The following MAP4K1 variants were observed in gnomAD, a reference collection of about 807,000 sequenced individuals.
MAP4K1 encodes the protein mitogen-activated protein kinase kinase kinase kinase 1.
MAP4K1 carries 35 observed loss-of-function variants against 122.8 expected under a neutral mutation model. That is an observed-to-expected ratio of 0.29 (90% CI 0.22 to 0.38). MAP4K1 has a LOEUF of 0.38. Among genes scored for constraint, MAP4K1 ranks in the 10% least tolerant of loss-of-function variants. The pLI is 1.00. For synonymous variants in MAP4K1, 412 were observed against 421.3 expected, an observed-to-expected ratio of 0.98 and a Z score of 0.27; for missense variants, 791 against 1,072.6, an observed-to-expected ratio of 0.74 and a Z score of 3.67.
At position 38,601,338 on chromosome 19, in the gene MAP4K1, C is replaced by T. The variant is rs1230556465; in HGVS notation, c.1531+103G>A. Reference sequence around the variant, plus strand: ...CTGGCCACACCCCAACTCCATTAAGCTCCTCCCCGTCCCTGCCTTTGTGCC... The same window carrying T: ...CTGGCCACACCCCAACTCCATTAAGTTCCTCCCCGTCCCTGCCTTTGTGCC... On this transcript the variant is annotated intron_variant, in intron 20 of 30. Transcript: ENST00000396857. 3 of 1,037,724 alleles carry T rather than the reference C, an allele frequency of 2.9e-6. No individual in the cohort carries two copies. The Admixed American group carries it at 6.7e-5, about 23-fold the overall frequency. 64.3% of individuals were successfully genotyped at this position (1,037,724 alleles called of 1,614,324 possible). A position where few individuals can be genotyped will look rare whatever the true frequency, so the allele number is the denominator to read the frequency against.
At chr19:38,609,731 G>C in intron 12 of MAP4K1, 57 bp from the exon 13 acceptor site, 1 of 1,502,224 alleles carries the variant, frequency 6.7e-7, no homozygotes, top group South Asian at 1.2e-5. Flanking sequence ...CTCCTACCCT[G>C]CCCGGGGTCC....
chr19:38,605,360 T>C, intron 19 of MAP4K1, 49 bp downstream of exon 19: 11 of 600,444 alleles, frequency 1.8e-5, no homozygotes, highest in Non-Finnish European at 3.4e-5. Flanking sequence ...CCACCAGGCA[T>C]CCCCAGCCCC....
chr19:38,592,943 A>T (rs1384079904), intron 30 of MAP4K1, among the ~76,000 whole-genome samples: 1 of 152,098 alleles, frequency 6.6e-6, no homozygotes, highest in Non-Finnish European at 1.5e-5. Context: ...AAATAAATAA[A>T]TAAAAGAATT....
At chr19:38,610,060 ATGGTGTGGACAGAGAGGGC>A (rs753646812) in intron 11 of MAP4K1, 35 bp from the exon 12 acceptor site, 21 of 1,471,004 alleles carry the variant, frequency 1.4e-5, no homozygotes, top group African/African-American at 1.1e-4. Flanking sequence ...ATCCAGAGGG[ATGGTGTGGACAGAGAGGGC>A]TGGTGTGGAC....
intron 19 of MAP4K1, among the ~76,000 whole-genome samples, chr19:38,604,432 C>T (rs1365114089): frequency 6.6e-6 from 1 of 152,102 alleles, no homozygotes; most frequent in Non-Finnish European, 1.5e-5. Flanking sequence ...TCAAGCAATC[C>T]TCCCACCTCA....
Position 38,597,341 on chromosome 19 carries a change from G to A in MAP4K1, c.1822C>T (p.Arg608Trp), listed in dbSNP as rs756496502. ...STKIQDTKGC[R>W]ACCVAEGASS... is the part of the protein sequence containing the mutation. The stretch of plus-strand genomic sequence containing the variant: ...TCTCTCTCACCCACACAGCACGCCC[G>A]GCAGCCTTTGGTGTCCTGGATCTTG... The change falls in exon 24 of 31, where the codon CGG (arginine) becomes TGG (tryptophan). Residue 608 changes from arginine (R) to tryptophan (W), a missense_variant. Arg to Trp is a moderately radical substitution (Grantham distance 101). Around this residue, in one of 4 missense-constraint regions of MAP4K1, gnomAD observed 267 missense variants for 323.0 expected, o/e 0.83. Transcript: ENST00000396857. This position sits in a 1 kb window ranked among gnomAD's most constrained non-coding sequence, Gnocchi z 4.6. 10 of 1,614,002 alleles carry A rather than the reference G, an allele frequency of 6.2e-6. No homozygotes were observed. Among genetic ancestry groups the A allele is most frequent in the Non-Finnish European group, 7.6e-6 (9 of 1,180,022 alleles).
intron 25 of MAP4K1, 63 bp downstream of exon 25, chr19:38,596,971 A>C (rs924235296): frequency 6.8e-7 from 1 of 1,474,568 alleles, no homozygotes; most frequent in Non-Finnish European, 9.5e-7. Context: ...ATAGAAGCGC[A>C]AAGGGTGCAA....
intron 4 of MAP4K1, among the ~76,000 whole-genome samples, chr19:38,615,295 G>A (rs1398556712): frequency 2.0e-5 from 3 of 152,004 alleles, no homozygotes; most frequent in African/African-American, 7.2e-5. Context: ...CCCTGATGAG[G>A]AGTCTGGGCT....
intron 22 of MAP4K1, 142 bp downstream of exon 22, chr19:38,599,781 CAA>C (rs1372261375): frequency 3.8e-6 from 3 of 790,758 alleles, no homozygotes; most frequent in African/African-American, 1.7e-5. Flanking sequence ...GGAGCACAGT[CAA>C]AAAGTGTCTG....
intron 22 of MAP4K1, among the ~76,000 whole-genome samples, chr19:38,598,733 G>A (rs1416803838): frequency 6.6e-6 from 1 of 152,144 alleles, no homozygotes; most frequent in Non-Finnish European, 1.5e-5. Context: ...CTAACTTAGG[G>A]CTGGGCACGG....
chr19:38,606,002 A>G (rs544980843), intron 17 of MAP4K1, among the ~76,000 whole-genome samples, 171 bp downstream of exon 17: 37 of 152,282 alleles, frequency 2.4e-4, no homozygotes, highest in African/African-American at 7.5e-4. Context: ...AATATTTTGA[A>G]TCCGACCCTG....
intron 16 of MAP4K1, among the ~76,000 whole-genome samples, chr19:38,606,539 G>A (rs760436208): frequency 1.5e-5 from 2 of 133,232 alleles, no homozygotes; most frequent in Non-Finnish European, 3.4e-5. Flanking sequence ...GCCTGTGACC[G>A]CAGCTACTCA....
intron 10 of MAP4K1, 43 bp from the exon 11 acceptor site, chr19:38,611,175 C>A: frequency 1.2e-6 from 2 of 1,602,566 alleles, no homozygotes; most frequent in Non-Finnish European, 1.7e-6. Context: ...GGACCAGAAA[C>A]CCTCCCATCA....
intron 20 of MAP4K1, 96 bp downstream of exon 20, chr19:38,601,345 C>A: frequency 8.9e-7 from 1 of 1,127,880 alleles, no homozygotes; most frequent in Non-Finnish European, 1.3e-6. Context: ...AAGCTCCTCC[C>A]CGTCCCTGCC....
intron 30 of MAP4K1, among the ~76,000 whole-genome samples, chr19:38,589,868 A>G (rs543707781): frequency 4.5e-4 from 68 of 152,190 alleles, no homozygotes; most frequent in African/African-American, 1.5e-3. Context: ...TGTCTGTACA[A>G]AAAATACGAA....
intron 22 of MAP4K1, 59 bp downstream of exon 22, chr19:38,599,866 C>G (rs1946020173): frequency 2.0e-6 from 3 of 1,532,384 alleles, no homozygotes; most frequent in African/African-American, 2.7e-5. Flanking sequence ...CTTCCCAGCC[C>G]CCGAACCCTT....
At position 38,617,528 on chromosome 19, in the gene MAP4K1, G is replaced by A. The variant is rs373501365; in HGVS notation, c.157+40C>T. On this transcript the variant is annotated intron_variant, in intron 2 of 30. Coordinates refer to ENST00000396857, the MANE Select transcript of MAP4K1 (RefSeq NM_001042600.3). This position sits in a 1 kb window ranked among gnomAD's most constrained non-coding sequence, Gnocchi z 4.1. ...TGATCCCAGTGTCCCAGGAGGCGAA[G>A]GTGGGGATGTGGGGAAGGAGCTCCA... is the stretch of plus-strand genomic sequence containing the variant. The A allele has an allele frequency of 1.9e-6, 3 of 1,612,956 alleles. No homozygotes were observed. The African/African-American group carries it at 4.0e-5, about 22-fold the overall frequency.
chr19:38,599,851 GTCTA>G (rs1413701710), intron 22 of MAP4K1, 70 bp downstream of exon 22: 4 of 1,410,878 alleles, frequency 2.8e-6, no homozygotes, highest in Non-Finnish European at 4.0e-6. Context: ...AGCTGTGCCC[GTCTA>G]CTTCCCAGCC....
chr19:38,599,585 C>T (rs1974999535), intron 22 of MAP4K1, among the ~76,000 whole-genome samples: 1 of 152,090 alleles, frequency 6.6e-6, no homozygotes. Flanking sequence ...TCACTTGAAC[C>T]TGGGAGGCAG....
Sources: gnomAD v4.1 joint callset for allele counts (sites outside exome capture counted in the v4.1 genomes callset) on GRCh38, gnomAD v4.1.1 for gene constraint, gnomAD v4.1.1 regional missense constraint, Gnocchi (gnomAD v3.1) non-coding constraint, MANE v1.5 for transcripts, NCBI Gene and HGNC (gene_info 2026-07-23, HGNC 2026-07-21) for gene names.